The following RABGAP1 variants were observed in gnomAD, a reference collection of about 807,000 sequenced individuals.
RABGAP1 encodes the protein rab GTPase-activating protein 1.
In RABGAP1, 23 loss-of-function variants were observed where a neutral mutation model predicts 137.6. The observed-to-expected ratio is 0.17, with a 90% CI of 0.12 to 0.24. The LOEUF is 0.24. RABGAP1 is among the 10% of genes least tolerant of loss of function. The pLI, the probability that RABGAP1 is intolerant of heterozygous loss-of-function variation, is 1.00. For synonymous variants in RABGAP1, 451 were observed against 450.7 expected, an observed-to-expected ratio of 1.00 and a Z score of -0.01; for missense variants, 906 against 1,275.8, an observed-to-expected ratio of 0.71 and a Z score of 4.42.
intron 22 of RABGAP1, among the ~76,000 whole-genome samples, chr9:123,098,303 A>G (rs2153921): frequency 0.98 from 149,103 of 152,282 alleles, 73,077 homozygotes; most frequent in East Asian, 1. Context: ...CTCCCCTGTC[A>G]CACCACGGTC....
chr9:122,990,303 G>A (rs1836601390), intron 6 of RABGAP1, 90 bp downstream of exon 6: 1 of 1,126,648 alleles, frequency 8.9e-7, no homozygotes, highest in South Asian at 2.3e-5. Flanking sequence ...ATAAAATGAT[G>A]GCTTTTAAAG....
intron 13 of RABGAP1, chr9:123,029,858 C>T: frequency 3.0e-6 from 1 of 331,034 alleles, no homozygotes; most frequent in Non-Finnish European, 5.8e-6. Context: ...GACACTAATG[C>T]CCAGAGGTGA....
At chr9:123,087,636 C>T (rs1422681801) in intron 19 of RABGAP1, among the ~76,000 whole-genome samples, 1 of 152,204 alleles carries the variant, frequency 6.6e-6, no homozygotes, top group Non-Finnish European at 1.5e-5. Context: ...TTTGTGGCCT[C>T]ACCCCAGGTG....
chr9:123,023,508 A>G (rs907829485), intron 13 of RABGAP1, among the ~76,000 whole-genome samples: 6 of 152,260 alleles, frequency 3.9e-5, no homozygotes, highest in African/African-American at 1.4e-4. Flanking sequence ...ATGCATTTAT[A>G]CAGTCACACA....
At chr9:123,083,317 C>T (rs1697031576) in intron 19 of RABGAP1, among the ~76,000 whole-genome samples, 1 of 152,232 alleles carries the variant, frequency 6.6e-6, no homozygotes, top group Admixed American at 6.5e-5. Flanking sequence ...TCTCTATACA[C>T]TACACAAAGT....
At chr9:122,978,819 C>T (rs2791438) in intron 2 of RABGAP1, among the ~76,000 whole-genome samples, 114,646 of 152,012 alleles carry the variant, frequency 0.75, 45,240 homozygotes, top group Middle Eastern at 0.89. Flanking sequence ...GTTTTCTAGT[C>T]GCTCCTTATT....
chr9:123,064,056 G>T (rs1228688530), intron 13 of RABGAP1, among the ~76,000 whole-genome samples: 1 of 151,926 alleles, frequency 6.6e-6, no homozygotes, highest in Non-Finnish European at 1.5e-5. Flanking sequence ...TCTCACTCTC[G>T]CTCACTTCGC....
the RABGAP1 span, among the ~76,000 whole-genome samples, chr9:122,934,077 TTTTC>T: frequency 6.7e-6 from 1 of 149,742 alleles, no homozygotes; most frequent in African/African-American, 2.5e-5. Flanking sequence ...TTTTCTTTTC[TTTTC>T]TTTTTTTTTT....
At chr9:122,952,013 A>G (rs1394422326) in intron 1 of RABGAP1, among the ~76,000 whole-genome samples, 1 of 152,208 alleles carries the variant, frequency 6.6e-6, no homozygotes, top group African/African-American at 2.4e-5. Context: ...ACTAATTTGC[A>G]ATAAAAATCT....
rs148392929 is a variant in RABGAP1, at chr9:123,041,609, T to C, written c.1794+21150T>C. On this transcript the variant is annotated intron_variant, in intron 13 of 25. Transcript: ENST00000373647. ...TATAAAGAATAGCAAAGGTATAATA[T>C]GGATAAAAAGAAGGAGAACAGAGAT... Among the ~76,000 whole-genome samples, 71 of 152,244 alleles carry C rather than the reference T, an allele frequency of 4.7e-4. 1 individual carries two copies. Among genetic ancestry groups the C allele is most frequent in the African/African-American group, 1.6e-3 (68 of 41,542 alleles).
intron 2 of RABGAP1, among the ~76,000 whole-genome samples, chr9:122,959,939 A>G (rs1413259405): frequency 6.6e-6 from 1 of 152,190 alleles, no homozygotes; most frequent in Non-Finnish European, 1.5e-5. Flanking sequence ...CATTGTCTCT[A>G]CTTCCAGCTC....
intron 13 of RABGAP1, among the ~76,000 whole-genome samples, chr9:123,045,371 G>A (rs1010106569): frequency 3.9e-5 from 6 of 152,168 alleles, no homozygotes; most frequent in Admixed American, 2.0e-4. Context: ...CTGGGGAACT[G>A]AATCAGACTA....
chr9:123,058,126 G>C (rs1301459854), intron 13 of RABGAP1, among the ~76,000 whole-genome samples: 1 of 152,110 alleles, frequency 6.6e-6, no homozygotes, highest in Non-Finnish European at 1.5e-5. Flanking sequence ...TGTGGAAACT[G>C]TCTTTTCTCC....
At chr9:123,084,413 C>A (rs2034806447) in intron 19 of RABGAP1, among the ~76,000 whole-genome samples, 1 of 152,288 alleles carries the variant, frequency 6.6e-6, no homozygotes, top group East Asian at 1.9e-4. Flanking sequence ...TCTTACCCCC[C>A]ACTGTCTACC....
chr9:123,057,081 C>T (rs1183076058), intron 13 of RABGAP1, among the ~76,000 whole-genome samples: 8 of 149,262 alleles, frequency 5.4e-5, no homozygotes, highest in South Asian at 4.3e-4. Context: ...ACCTCCCGGA[C>T]GGGGCGGCTG....
At chr9:122,993,461 G>A (rs891665360) in intron 6 of RABGAP1, among the ~76,000 whole-genome samples, 2 of 151,784 alleles carry the variant, frequency 1.3e-5, no homozygotes, top group African/African-American at 4.8e-5. Context: ...TAGTAGAGAC[G>A]GGGTTTCACC....
chr9:123,009,731 T>G (rs1367349589), intron 10 of RABGAP1, among the ~76,000 whole-genome samples: 1 of 152,172 alleles, frequency 6.6e-6, no homozygotes, highest in African/African-American at 2.4e-5. Flanking sequence ...ATACAATCAG[T>G]TGGAGTAATC....
intron 2 of RABGAP1, among the ~76,000 whole-genome samples, chr9:122,975,916 A>G (rs369716143): frequency 2.6e-5 from 4 of 152,342 alleles, no homozygotes; most frequent in South Asian, 4.1e-4. Context: ...TGTCAGAGCA[A>G]TGTCCCAAAG....
chr9:122,939,723 C>G (rs1353252275), upstream of RABGAP1: 1 of 152,090 alleles, frequency 6.6e-6, no homozygotes, highest in Non-Finnish European at 1.5e-5. Context: ...ATACTTTATT[C>G]TTTGAATATC....
Sources: gnomAD v4.1 joint callset for allele counts (sites outside exome capture counted in the v4.1 genomes callset) on GRCh38, gnomAD v4.1.1 for gene constraint, MANE v1.5 for transcripts, NCBI Gene and HGNC (gene_info 2026-07-23, HGNC 2026-07-21) for gene names.